PLCB1: variants seen among roughly 807,000 people sequenced by gnomAD.
PLCB1 encodes the protein 1-phosphatidylinositol 4,5-bisphosphate phosphodiesterase beta-1.
Under a neutral mutation model 161.8 loss-of-function variants are expected in PLCB1, and 46 were observed. The observed-to-expected ratio is 0.28, with a 90% CI of 0.22 to 0.36. PLCB1 has a LOEUF of 0.36. PLCB1 is among the 10% of genes least tolerant of loss of function. The pLI, the probability that PLCB1 is intolerant of heterozygous loss-of-function variation, is 1.00. For missense variants in PLCB1, 1,016 were observed against 1,472.5 expected, an observed-to-expected ratio of 0.69 and a Z score of 5.07; for synonymous variants, 517 against 503.7, an observed-to-expected ratio of 1.03 and a Z score of -0.35.
chr20:8,842,916 CTTCT>C (rs1330066927), intron 31 of PLCB1, among the ~76,000 whole-genome samples: 1 of 151,670 alleles, frequency 6.6e-6, no homozygotes, highest in Admixed American at 6.6e-5. Context: ...GTTTTTACTT[CTTCT>C]TTCTTTGGAG....
At chr20:8,522,301 C>T (rs1473098784) in intron 3 of PLCB1, among the ~76,000 whole-genome samples, 2 of 152,138 alleles carry the variant, frequency 1.3e-5, no homozygotes, top group African/African-American at 2.4e-5. Flanking sequence ...TTCTAAGAAT[C>T]TCTGTTACCT....
rs777880702 is a variant in PLCB1 at position 8,459,331 on chromosome 20, C to T, written c.246+87881C>T. On this transcript the variant is annotated intron_variant, in intron 3 of 31. Transcript: ENST00000338037. ...CTTTGGACATGGATTAATATAGATC[C>T]TGGCGAGTCCTTAAATAATAAATTA... Among the ~76,000 whole-genome samples the T allele has an allele frequency of 3.9e-5, 6 of 152,244 alleles. No individual in the cohort carries two copies. The South Asian group carries it at 1.0e-3, about 26-fold the overall frequency.
intron 2 of PLCB1, among the ~76,000 whole-genome samples, chr20:8,202,723 T>A (rs1312173880): frequency 6.6e-6 from 1 of 152,124 alleles, no homozygotes; most frequent in African/African-American, 2.4e-5. Flanking sequence ...AAAGACCTCA[T>A]AATGGTGGGA....
At chr20:8,815,254 T>A (rs1233356202) in intron 31 of PLCB1, among the ~76,000 whole-genome samples, 1 of 152,226 alleles carries the variant, frequency 6.6e-6, no homozygotes, top group Non-Finnish European at 1.5e-5. Flanking sequence ...TTGAGGGCTT[T>A]GCTTTAATTA....
intron 3 of PLCB1, among the ~76,000 whole-genome samples, chr20:8,509,433 A>C (rs775054327): frequency 6.6e-6 from 1 of 152,238 alleles, no homozygotes; most frequent in African/African-American, 2.4e-5. Context: ...ATATATGCAA[A>C]GTAAAGCAAT....
intron 3 of PLCB1, among the ~76,000 whole-genome samples, chr20:8,456,641 C>A (rs1981331268): frequency 6.6e-6 from 1 of 151,916 alleles, no homozygotes; most frequent in Admixed American, 6.6e-5. Context: ...ATCATTTTAC[C>A]TTCACTTTAG....
At chr20:8,215,899 CA>C (rs1351518232) in intron 2 of PLCB1, among the ~76,000 whole-genome samples, 1 of 151,990 alleles carries the variant, frequency 6.6e-6, no homozygotes, top group Non-Finnish European at 1.5e-5. Context: ...GCAGTACACA[CA>C]TCGTAAGAGA....
intron 3 of PLCB1, among the ~76,000 whole-genome samples, chr20:8,562,842 G>A (rs1447053717): frequency 6.6e-6 from 1 of 151,888 alleles, no homozygotes; most frequent in East Asian, 1.9e-4. Flanking sequence ...TGATATTTTG[G>A]GTGATAGACT....
chr20:8,573,932 G>C (rs1009355828), intron 3 of PLCB1, among the ~76,000 whole-genome samples: 2 of 152,204 alleles, frequency 1.3e-5, no homozygotes, highest in Admixed American at 6.5e-5. Flanking sequence ...GCAGCTGATG[G>C]ACATTGTGCA....
intron 2 of PLCB1, among the ~76,000 whole-genome samples, chr20:8,170,812 G>T (rs2051725785): frequency 6.6e-6 from 1 of 152,166 alleles, no homozygotes; most frequent in Admixed American, 6.5e-5. Context: ...CCAAACACAG[G>T]CGGTTTCTCA....
At chr20:8,323,728 A>T (rs1985016982) in intron 2 of PLCB1, among the ~76,000 whole-genome samples, 3 of 152,138 alleles carry the variant, frequency 2.0e-5, no homozygotes. Context: ...TTACCTCTTG[A>T]TGGAAGAATT....
intron 1 of PLCB1, among the ~76,000 whole-genome samples, chr20:8,147,699 G>A (rs1484097473): frequency 1.3e-5 from 2 of 152,228 alleles, no homozygotes; most frequent in African/African-American, 4.8e-5. Context: ...CGGGCAGGGA[G>A]CCGAGATAAA....
chr20:8,737,538 G>A (rs1980646089), intron 20 of PLCB1, among the ~76,000 whole-genome samples: 3 of 152,134 alleles, frequency 2.0e-5, no homozygotes, highest in Admixed American at 6.6e-5. Context: ...TATAGTGGCT[G>A]AGATAAAGAA....
At chr20:8,264,765 C>T (rs142239375) in intron 2 of PLCB1, among the ~76,000 whole-genome samples, 1 of 151,866 alleles carries the variant, frequency 6.6e-6, no homozygotes, top group Admixed American at 6.6e-5. Flanking sequence ...ATCTCTTATG[C>T]CTGATTTTGA....
chr20:8,140,467 T>A (rs182285275), intron 1 of PLCB1, among the ~76,000 whole-genome samples: 126 of 152,240 alleles, frequency 8.3e-4, no homozygotes, highest in African/African-American at 3.0e-3. Context: ...TAAAATGAAG[T>A]TTTGCTGTAA....
intron 2 of PLCB1, among the ~76,000 whole-genome samples, chr20:8,188,237 G>A (rs1353081807): frequency 5.3e-5 from 8 of 152,152 alleles, no homozygotes; most frequent in Non-Finnish European, 1.2e-4. Context: ...AATGGCACAA[G>A]TACATTTGAA....
chr20:8,484,688 T>C (rs942355265), intron 3 of PLCB1, among the ~76,000 whole-genome samples: 3 of 152,192 alleles, frequency 2.0e-5, no homozygotes, highest in African/African-American at 4.8e-5. Context: ...GAGATATCAC[T>C]CTTCCAGAGA....
intron 2 of PLCB1, among the ~76,000 whole-genome samples, chr20:8,269,664 C>T (rs6039117): frequency 0.27 from 40,548 of 151,912 alleles, 5,519 homozygotes; most frequent in Non-Finnish European, 0.29. Flanking sequence ...TTGGTCAAAA[C>T]TGAAACGTAA....
At chr20:8,783,933 T>C (rs1469773522) in intron 27 of PLCB1, among the ~76,000 whole-genome samples, 1 of 151,790 alleles carries the variant, frequency 6.6e-6, no homozygotes, top group East Asian at 1.9e-4. Context: ...AGATGGGGGG[T>C]AAAATATACA....
Sources: allele counts gnomAD v4.1 joint callset (sites outside exome capture counted in the v4.1 genomes callset), GRCh38; gene constraint gnomAD v4.1.1; transcripts MANE v1.5; gene names NCBI Gene and HGNC (gene_info 2026-07-23, HGNC 2026-07-21).